Variants in RIC3 observed in about 807,000 individuals in gnomAD.
The protein encoded by RIC3 is protein RIC-3.
Under a neutral mutation model 27.3 loss-of-function variants are expected in RIC3, and 28 were observed. The observed-to-expected ratio is 1.02, with a 90% CI of 0.76 to 1.41. The LOEUF is 1.41. RIC3 is among the 40% of genes most tolerant of loss of function. RIC3 has a pLI of 0.00. For synonymous variants in RIC3, 184 were observed against 160.4 expected (o/e 1.15, Z -1.11); for missense variants, 501 against 444.7 (o/e 1.13, Z -1.14).
At chr11:8,115,670 G>A (rs1191010994) in intron 5 of RIC3, among the ~76,000 whole-genome samples, 1 of 152,162 alleles carries the variant, frequency 6.6e-6, no homozygotes, top group Non-Finnish European at 1.5e-5. Flanking sequence ...AGCTCGGCAT[G>A]GTGGTGCATG....
chr11:8,095,606 C>T, the RIC3 span: 1 of 1,612,642 alleles, frequency 6.2e-7, no homozygotes, highest in Non-Finnish European at 8.5e-7. Flanking sequence ...GGGGAGACGG[C>T]AGCTGGTGGG....
At chr11:8,147,008 C>T (rs934003347) in intron 1 of RIC3, among the ~76,000 whole-genome samples, 6 of 152,122 alleles carry the variant, frequency 3.9e-5, no homozygotes, top group African/African-American at 1.2e-4. Context: ...AAATCTGCCT[C>T]CCATTTTTAT....
In RIC3 at chr11:8,117,306, C is replaced by G. The variant is rs192336922; in HGVS notation, c.671-6169G>C. 2.7e-3 allele frequency among the ~76,000 whole-genome samples: 405 copies of G among 152,316 alleles called. 2 individuals are homozygous for G. Among genetic ancestry groups the G allele is most frequent in the African/African-American group, 9.4e-3 (392 of 41,570 alleles). On this transcript the variant is annotated intron_variant, in intron 5 of 5. Coordinates refer to ENST00000309737, the MANE Select transcript of RIC3 (RefSeq NM_001206671.4). ...TCTTGAACTCCTAGGCTCAAGCAAT[C>G]CACCTGCCTCGGCCTCCCAAAGTGT...
At chr11:8,150,926 G>C (rs1215236393) in intron 1 of RIC3, among the ~76,000 whole-genome samples, 1 of 152,122 alleles carries the variant, frequency 6.6e-6, no homozygotes, top group African/African-American at 2.4e-5. Flanking sequence ...TGTGGGGACA[G>C]GTAGATATTC....
chr11:8,094,012 T>G, the RIC3 span: 7 of 1,613,748 alleles, frequency 4.3e-6, no homozygotes, highest in Non-Finnish European at 5.9e-6. Context: ...ACTGCCTGTT[T>G]CTCTCTCTCC....
chr11:8,150,944 A>G (rs954908772), intron 1 of RIC3, among the ~76,000 whole-genome samples: 3 of 152,240 alleles, frequency 2.0e-5, no homozygotes, highest in East Asian at 3.8e-4. Flanking sequence ...TTCACATGTA[A>G]AAGAATAAAA....
At chr11:8,095,347 T>C in the RIC3 span, 96 of 720,526 alleles carry the variant, frequency 1.3e-4, no homozygotes, top group Non-Finnish European at 3.4e-5. Context: ...AACAGGCTGG[T>C]GCAATCATTA....
At chr11:8,138,188 A>T in intron 3 of RIC3, 84 bp downstream of exon 3, 2 of 951,100 alleles carry the variant, frequency 2.1e-6, no homozygotes, top group East Asian at 2.5e-5. Context: ...AAATGCTTTT[A>T]AGACATACCC....
intron 5 of RIC3, among the ~76,000 whole-genome samples, chr11:8,115,595 G>A (rs1305784197): frequency 6.6e-6 from 1 of 152,104 alleles, no homozygotes; most frequent in Non-Finnish European, 1.5e-5. Flanking sequence ...ATCACCTGAG[G>A]TCAGGAGTTC....
chr11:8,126,778 T>C lies in RIC3; in HGVS notation c.551A>G (p.Glu184Gly), dbSNP rs1400109659. 2.5e-6 allele frequency: 4 copies of C among 1,614,162 alleles called. No individual in the cohort carries two copies. ...TCGGAGCTGATGTAGCAACCGTTTC[T>C]CTTGGTCAGAAGTCACAGTCTGTGC... ...SRAQTVTSDQEKRLLHQLREI... is the reference protein window; with the variant it reads ...SRAQTVTSDQGKRLLHQLREI... The change falls in exon 5 of 6, where the codon GAG becomes GGG. Residue 184 changes from glutamate (E) to glycine (G), a missense_variant. Transcript: ENST00000309737.
chr11:8,138,797 GT>G, intron 2 of RIC3: 3 of 239,254 alleles, frequency 1.3e-5, no homozygotes, highest in South Asian at 1.1e-4. Flanking sequence ...ATATGAAGGT[GT>G]TTTTACCTTT....
At chr11:8,119,416 A>T (rs981417492) in intron 5 of RIC3, among the ~76,000 whole-genome samples, 1 of 152,214 alleles carries the variant, frequency 6.6e-6, no homozygotes, top group African/African-American at 2.4e-5. Context: ...CTGATCTTTG[A>T]CAAACCTGAC....
chr11:8,132,238 C>T (rs554035098), intron 4 of RIC3, among the ~76,000 whole-genome samples: 1 of 152,178 alleles, frequency 6.6e-6, no homozygotes, highest in Non-Finnish European at 1.5e-5. Flanking sequence ...CTTAATTTAT[C>T]CCCACTTTTC....
chr11:8,099,392 T>G, the RIC3 span, among the ~76,000 whole-genome samples: 1 of 152,140 alleles, frequency 6.6e-6, no homozygotes, highest in East Asian at 1.9e-4. Flanking sequence ...TTTTCTTCAT[T>G]TTTAAAATCA....
rs956625234 is a variant in RIC3, at chr11:8,110,478, G to C, written c.*220C>G. 4 of 616,702 alleles carry C rather than the reference G, an allele frequency of 6.5e-6. No homozygotes were observed. The highest frequency in any genetic ancestry group is 1.2e-5 in the Non-Finnish European group (4 of 344,220). The allele number at this position is 616,702 out of a possible 1,614,324, so 38.2% of individuals were successfully genotyped here. On this transcript the variant is annotated 3_prime_UTR_variant, in exon 6 of 6. Coordinates refer to ENST00000309737, the MANE Select transcript of RIC3 (RefSeq NM_001206671.4). The stretch of plus-strand genomic sequence containing the variant: ...CTCTGATAGAGGAAAGGCAGGAAGA[G>C]AAAGAGCGAAGCTGTCCTGTGTTCA...
downstream of RIC3, among the ~76,000 whole-genome samples, chr11:8,101,202 T>G (rs1477973180): frequency 1.3e-5 from 2 of 152,194 alleles, no homozygotes; most frequent in African/African-American, 2.4e-5. Flanking sequence ...CTAGATTCTG[T>G]GTATTCAACG....
downstream of RIC3, chr11:8,101,747 T>C: frequency 2.1e-6 from 3 of 1,426,862 alleles, no homozygotes; most frequent in Non-Finnish European, 2.8e-6. Context: ...CTCAGTGGGC[T>C]CCCTGGCCCA....
At chr11:8,162,629 CTTTTTTTTTT>C (rs757717970) in intron 1 of RIC3, among the ~76,000 whole-genome samples, 40 of 83,730 alleles carry the variant, frequency 4.8e-4, no homozygotes, top group South Asian at 4.3e-3. Context: ...CATGCTTCTT[CTTTTTTTTTT>C]TTTTTTTTTT....
At chr11:8,168,135 G>C (rs1368720748) in intron 1 of RIC3, among the ~76,000 whole-genome samples, 1 of 152,192 alleles carries the variant, frequency 6.6e-6, no homozygotes, top group Non-Finnish European at 1.5e-5. Context: ...ATAGAAAACT[G>C]TTCTGGTTCC....
Sources: allele counts gnomAD v4.1 joint callset (sites outside exome capture counted in the v4.1 genomes callset), GRCh38; gene constraint gnomAD v4.1.1; transcripts MANE v1.5; gene names NCBI Gene and HGNC (gene_info 2026-07-23, HGNC 2026-07-21).